Variants in DCAF8L2 observed in about 807,000 individuals in gnomAD.
The protein encoded by DCAF8L2 is DDB1 and CUL4 associated factor 8 like 2.
For synonymous variants in DCAF8L2, 200 were observed against 190.9 expected, an observed-to-expected ratio of 1.05 and a Z score of -0.39; for missense variants, 430 against 490.7, an observed-to-expected ratio of 0.88 and a Z score of 1.17.
the DCAF8L2 span, among the ~76,000 whole-genome samples, chrX:27,514,548 A>T: frequency 1.9e-5 from 2 of 102,960 alleles, no homozygotes; most frequent in Non-Finnish European, 4.0e-5. Context: ...GGGCGCCTGT[A>T]GTCCCAGCTA....
At chrX:27,662,302 A>C (rs907477701) in intron 2 of DCAF8L2, among the ~76,000 whole-genome samples, 6 of 111,657 alleles carry the variant, frequency 5.4e-5, no homozygotes, top group Non-Finnish European at 9.4e-5. Flanking sequence ...AAATCATAAA[A>C]ATTAGTCTAT....
At chrX:27,638,263 T>C (rs1181668614) in intron 2 of DCAF8L2, among the ~76,000 whole-genome samples, 1 of 111,534 alleles carries the variant, frequency 9.0e-6, no homozygotes, top group African/African-American at 3.3e-5. Flanking sequence ...TGGACTCAGA[T>C]CTCAACAGCT....
At chrX:27,630,418 A>T (rs1420136626) in intron 1 of DCAF8L2, among the ~76,000 whole-genome samples, 1 of 111,792 alleles carries the variant, frequency 8.9e-6, no homozygotes, top group Admixed American at 9.6e-5. Context: ...AGATGGCTTT[A>T]CTGGTGAATT....
chrX:27,628,961 ATGATTAATGATGT>A (rs1374842665), intron 1 of DCAF8L2, among the ~76,000 whole-genome samples: 2 of 111,274 alleles, frequency 1.8e-5, no homozygotes, highest in Non-Finnish European at 3.8e-5. Context: ...CATTTCCCTA[ATGATTAATGATGT>A]TGATTACCTT....
At chrX:27,522,079 G>A in the DCAF8L2 span, among the ~76,000 whole-genome samples, 1 of 112,532 alleles carries the variant, frequency 8.9e-6, no homozygotes, top group Non-Finnish European at 1.9e-5. Context: ...CCAGGCTGAA[G>A]TGCAGTGGCG....
chrX:27,634,451 C>T (rs1318460033), intron 2 of DCAF8L2, among the ~76,000 whole-genome samples: 2 of 110,510 alleles, frequency 1.8e-5, no homozygotes, highest in Admixed American at 9.7e-5. Context: ...GACTCTGAAA[C>T]GAGGTTGTTG....
intron 3 of DCAF8L2, among the ~76,000 whole-genome samples, chrX:27,706,400 T>TG (rs1931347560): frequency 9.0e-6 from 1 of 111,117 alleles, no homozygotes; most frequent in South Asian, 3.7e-4. Flanking sequence ...GTAAATTGTT[T>TG]GGGGCAGTAT....
chrX:27,722,153 T>C (rs1002552789), intron 4 of DCAF8L2, among the ~76,000 whole-genome samples: 2 of 112,326 alleles, frequency 1.8e-5, no homozygotes, highest in African/African-American at 6.4e-5. Context: ...TTATTATGAT[T>C]GATCTCTAAC....
the DCAF8L2 span, among the ~76,000 whole-genome samples, chrX:27,481,190 C>A: frequency 9.1e-6 from 1 of 109,976 alleles, no homozygotes; most frequent in Admixed American, 9.8e-5. Context: ...TCAGCCTGGC[C>A]AACATGGTAA....
intron 4 of DCAF8L2, among the ~76,000 whole-genome samples, chrX:27,736,874 A>T (rs1359539558): frequency 9.0e-6 from 1 of 111,293 alleles, no homozygotes; most frequent in Non-Finnish European, 1.9e-5. Context: ...TCACAAATGT[A>T]CAGTCGAATT....
intron 4 of DCAF8L2, among the ~76,000 whole-genome samples, chrX:27,733,875 T>G (rs1015846949): frequency 9.0e-6 from 1 of 111,647 alleles, no homozygotes; most frequent in Non-Finnish European, 1.9e-5. Flanking sequence ...TCTATTCTGT[T>G]CCATTTGTCT....
the DCAF8L2 span, among the ~76,000 whole-genome samples, chrX:27,512,779 CAAAAAA>C: frequency 5.4e-5 from 1 of 18,550 alleles, no homozygotes; most frequent in African/African-American, 2.2e-4. Context: ...CAATCTTGAG[CAAAAAA>C]AAAAAAAAAA....
Position 27,646,951 on chromosome X carries a change from G to A in DCAF8L2, c.-220+14951G>A, listed in dbSNP as rs758524564. On this transcript the variant is annotated intron_variant, in intron 2 of 4. Transcript: ENST00000451261. ...TGTGGAGAAATAGGAATGCTTTTAT[G>A]CTATTGGTGGGAATGTAAATTAGTT... Among the ~76,000 whole-genome samples, 221 of 111,643 alleles carry A rather than the reference G, an allele frequency of 2.0e-3. 1 individual carries two copies. Among genetic ancestry groups the A allele is most frequent in the Non-Finnish European group, 3.6e-3 (189 of 53,062 alleles).
the DCAF8L2 span, chrX:27,518,065 G>A: frequency 1.0e-4 from 94 of 908,316 alleles, no homozygotes; most frequent in Non-Finnish European, 1.4e-4. Flanking sequence ...CTAGTTTAGA[G>A]CTAAATTCTT....
the DCAF8L2 span, among the ~76,000 whole-genome samples, chrX:27,496,287 A>T: frequency 8.9e-6 from 1 of 111,981 alleles, no homozygotes; most frequent in Admixed American, 9.6e-5. Flanking sequence ...CTCATGTTGA[A>T]TGTATAATTT....
the DCAF8L2 span, among the ~76,000 whole-genome samples, chrX:27,475,670 T>G: frequency 9.1e-6 from 1 of 109,657 alleles, no homozygotes; most frequent in African/African-American, 3.3e-5. Context: ...AAATAAAATT[T>G]AAAATATTTT....
At chrX:27,672,649 C>T (rs1293980540) in intron 2 of DCAF8L2, among the ~76,000 whole-genome samples, 1 of 111,767 alleles carries the variant, frequency 8.9e-6, no homozygotes, top group Admixed American at 9.6e-5. Flanking sequence ...AGAAAATGGC[C>T]TTCACCTATA....
the DCAF8L2 span, among the ~76,000 whole-genome samples, chrX:27,502,335 A>AAAAAATATATAT: frequency 1.6e-4 from 2 of 12,718 alleles, no homozygotes; most frequent in Non-Finnish European, 3.0e-4. Flanking sequence ...AAAAAAAAAA[A>AAAAAATATATAT]ATATATATAT....
Position 27,749,896 on chromosome X carries a change from A to C in DCAF8L2, c.*1105A>C, listed in dbSNP as rs1467436616. Among the ~76,000 whole-genome samples, 3 of 112,068 alleles carry C rather than the reference A, an allele frequency of 2.7e-5. No individual in the cohort carries two copies. Among genetic ancestry groups the C allele is most frequent in the Non-Finnish European group, 5.6e-5 (3 of 53,287 alleles). On this transcript the variant is annotated 3_prime_UTR_variant, in exon 5 of 5. Coordinates refer to ENST00000451261, the MANE Select transcript of DCAF8L2 (RefSeq NM_001353450.2). ...CATTTAATATAAATTAAATAAGGGTACTGGATGTCCAATTACTGCTCAATA... is the reference window on the plus strand; with the variant it reads ...CATTTAATATAAATTAAATAAGGGTCCTGGATGTCCAATTACTGCTCAATA...
Sources: allele counts gnomAD v4.1 joint callset (sites outside exome capture counted in the v4.1 genomes callset), GRCh38; gene constraint gnomAD v4.1.1; transcripts MANE v1.5; gene names NCBI Gene and HGNC (gene_info 2026-07-23, HGNC 2026-07-21).